CTNND1: variants seen among roughly 807,000 people sequenced by gnomAD.
CTNND1 encodes the protein catenin delta-1.
In CTNND1, 16 loss-of-function variants were observed where a neutral mutation model predicts 112.1. The observed-to-expected ratio is 0.14, with a 90% CI of 0.10 to 0.22. The LOEUF is 0.22. Among genes scored for constraint, CTNND1 ranks in the 10% least tolerant of loss-of-function variants. The pLI is 1.00. For missense variants in CTNND1, 1,008 were observed against 1,257.0 expected, an observed-to-expected ratio of 0.80 and a Z score of 3.00; for synonymous variants, 420 against 446.5, an observed-to-expected ratio of 0.94 and a Z score of 0.75.
At chr11:57,779,353 C>T (rs2059335598) in intron 1 of CTNND1, among the ~76,000 whole-genome samples, 1 of 152,202 alleles carries the variant, frequency 6.6e-6, no homozygotes, top group Admixed American at 6.5e-5. Context: ...TGAAATAGCA[C>T]CTGTAATACC....
chr11:57,802,482 C>A (rs641321), intron 7 of CTNND1, among the ~76,000 whole-genome samples: 1,954 of 152,332 alleles, frequency 0.013, 25 homozygotes, highest in Middle Eastern at 0.034. Context: ...TCTTCCTTAG[C>A]AGTATTTGGT....
At position 57,786,227 on chromosome 11, in the gene CTNND1, C is replaced by T. The variant is rs1165945255; in HGVS notation, c.-213-2810C>T. ...TTTTTTTGGTGAGAGGAAATGTAGT[C>T]TATTTAAAAATCTAAGTAAGTGGAG... On this transcript the variant is annotated intron_variant, in intron 1 of 20. Coordinates refer to ENST00000399050, the MANE Select transcript of CTNND1 (RefSeq NM_001085458.2). Among the ~76,000 whole-genome samples the T allele has an allele frequency of 5.0e-5, 7 of 139,278 alleles. No homozygotes were observed. In the South Asian group the frequency reaches 1.6e-3, roughly 31 times the overall value. 91.4% of individuals were successfully genotyped at this position (139,278 alleles called of 152,430 possible). A position where few individuals can be genotyped will look rare whatever the true frequency, so the allele number is the denominator to read the frequency against.
chr11:57,816,229 C>T, intron 20 of CTNND1, 68 bp from the exon 21 acceptor site: 1 of 1,597,146 alleles, frequency 6.3e-7, no homozygotes, highest in Non-Finnish European at 8.6e-7. Context: ...ATTTGCTCAA[C>T]TTTTTTGGGG....
rs971106294 is a variant in CTNND1, at chr11:57,769,355, A to G, written c.-214+7236A>G. Among the ~76,000 whole-genome samples the G allele has an allele frequency of 2.0e-5, 3 of 151,332 alleles. 1 individual carries two copies. In the Middle Eastern group the frequency reaches 0.01, roughly 515 times the overall value. On this transcript the variant is annotated intron_variant, in intron 1 of 20. Coordinates refer to ENST00000399050, the MANE Select transcript of CTNND1 (RefSeq NM_001085458.2). ...AAAAACAGAGAGACAGAGTCTTGGT[A>G]TGTTGCCCTGTCTCCAACTCCTGGG...
At chr11:57,775,677 G>C (rs1954043888) in intron 1 of CTNND1, among the ~76,000 whole-genome samples, 1 of 151,652 alleles carries the variant, frequency 6.6e-6, no homozygotes, top group Non-Finnish European at 1.5e-5. Context: ...CTTCCTGTCT[G>C]AAAAGGAAGC....
chr11:57,803,760 C>T lies in CTNND1; in HGVS notation c.1560C>T (p.His520=), dbSNP rs11229137. 1,611,870 of 1,612,676 alleles carry T rather than the reference C, an allele frequency of 1. 805,538 individuals carry two copies. The highest frequency in any genetic ancestry group is 1 in the East Asian group (44,816 of 44,816). ...CTAATGAAGACTGTAAGCCACGCCA[C>T]ATTGAGTGGGAATCGGTGCTCACCA... is the stretch of plus-strand genomic sequence containing the variant. ...REPNEDCKPR[H]IEWESVLTNT... The change falls in exon 8 of 21, where the codon CAC becomes CAT. Residue 520 remains histidine, a synonymous_variant. Coordinates refer to ENST00000399050, the MANE Select transcript of CTNND1 (RefSeq NM_001085458.2).
In CTNND1 at chr11:57,806,992, T is replaced by C. The variant is rs371603494; in HGVS notation, c.1963+9T>C. 1.3e-5 allele frequency: 20 copies of C among 1,584,754 alleles called. No individual in the cohort carries two copies. The highest frequency in any genetic ancestry group is 2.7e-5 in the African/African-American group (2 of 74,450). On this transcript the variant is annotated intron_variant, in intron 12 of 20. Coordinates refer to ENST00000399050, the MANE Select transcript of CTNND1 (RefSeq NM_001085458.2). ...AACGAGTCCAGCTCGAGGTAAGTTA[T>C]CTTCTCAGTCTCCAAAGGTCTCATA...
intron 1 of CTNND1, among the ~76,000 whole-genome samples, chr11:57,783,837 A>G (rs1185151210): frequency 6.6e-6 from 1 of 152,194 alleles, no homozygotes; most frequent in Admixed American, 6.5e-5. Flanking sequence ...CTTGAATGTT[A>G]TGTAATACAG....
chr11:57,796,543 A>G lies in CTNND1; in HGVS notation c.507A>G (p.Ser169=). The change falls in exon 6 of 21, where the codon TCA becomes TCG. Residue 169 remains serine, a synonymous_variant. Coordinates refer to ENST00000399050, the MANE Select transcript of CTNND1 (RefSeq NM_001085458.2). ...GPDGLPVDAS[S]VSNNYIQTLG... is the part of the protein sequence containing the mutation. ...ACGGGTTGCCTGTGGATGCTTCATC[A>G]GTTTCTAACAACTATATCCAGACTT... is the stretch of plus-strand genomic sequence containing the variant. 1.9e-6 allele frequency: 3 copies of G among 1,614,018 alleles called. No individual in the cohort carries two copies. The highest frequency in any genetic ancestry group is 1.1e-5 in the South Asian group (1 of 91,088).
chr11:57,798,565 G>T (rs1271292932), intron 6 of CTNND1, among the ~76,000 whole-genome samples: 1 of 152,066 alleles, frequency 6.6e-6, no homozygotes, highest in African/African-American at 2.4e-5. Flanking sequence ...GCATCCTTGG[G>T]TGGGGGTCGG....
intron 12 of CTNND1, among the ~76,000 whole-genome samples, chr11:57,807,864 C>T (rs537634311): frequency 1.3e-5 from 2 of 152,002 alleles, no homozygotes; most frequent in South Asian, 4.2e-4. Context: ...AAATGGAGCC[C>T]CTGAGCGCTC....
At chr11:57,777,643 C>T (rs916401275) in intron 1 of CTNND1, among the ~76,000 whole-genome samples, 12 of 152,124 alleles carry the variant, frequency 7.9e-5, no homozygotes, top group South Asian at 4.1e-4. Context: ...GACCAGGGTT[C>T]GGCCCATACT....
chr11:57,776,033 G>A (rs933673743), intron 1 of CTNND1, among the ~76,000 whole-genome samples: 2 of 152,194 alleles, frequency 1.3e-5, no homozygotes, highest in Admixed American at 1.3e-4. Context: ...GACACGGAGC[G>A]GGGTAAGTTG....
chr11:57,781,111 G>A (rs1054493177), intron 1 of CTNND1, among the ~76,000 whole-genome samples: 5 of 152,100 alleles, frequency 3.3e-5, no homozygotes, highest in African/African-American at 1.2e-4. Flanking sequence ...GCTAATTTTT[G>A]TATTTTCAGC....
chr11:57,810,008 G>A (rs1370092153), intron 15 of CTNND1, 101 bp from the exon 16 acceptor site: 3 of 783,786 alleles, frequency 3.8e-6, no homozygotes, highest in Non-Finnish European at 5.7e-6. Flanking sequence ...ACTGTGCCCT[G>A]CCCCTGGCAT....
Position 57,762,731 on chromosome 11 carries a change from A to G in CTNND1, c.-214+612A>G, listed in dbSNP as rs1299140722. Among the ~76,000 whole-genome samples, 6 of 152,280 alleles carry G rather than the reference A, an allele frequency of 3.9e-5. No homozygotes were observed. The East Asian group carries it at 1.2e-3, about 29-fold the overall frequency. On this transcript the variant is annotated intron_variant, in intron 1 of 20. Coordinates refer to ENST00000399050, the MANE Select transcript of CTNND1 (RefSeq NM_001085458.2). Reference sequence around the variant, plus strand: ...GTCTCCCTTCTTTGGCTTATAAAAGAAAACAAATGGAACCATGTTAACTGA... The same window carrying G: ...GTCTCCCTTCTTTGGCTTATAAAAGGAAACAAATGGAACCATGTTAACTGA...
chr11:57,769,451 T>C (rs560097049), intron 1 of CTNND1, among the ~76,000 whole-genome samples: 3 of 152,276 alleles, frequency 2.0e-5, no homozygotes, highest in African/African-American at 7.2e-5. Context: ...TGCCTGGCTA[T>C]TTAAGCTAAT....
intron 9 of CTNND1, among the ~76,000 whole-genome samples, chr11:57,805,314 C>T (rs1045116042): frequency 2.0e-5 from 3 of 152,210 alleles, no homozygotes; most frequent in Non-Finnish European, 4.4e-5. Context: ...CCCGTGATCT[C>T]GGCTCATTGC....
In CTNND1 at chr11:57,795,617, A is replaced by G. The variant is rs759450868; in HGVS notation, c.308A>G (p.Gln103Arg). 9 of 1,608,382 alleles carry G rather than the reference A, an allele frequency of 5.6e-6. No individual in the cohort carries two copies. In the Admixed American group the frequency reaches 1.5e-4, roughly 27 times the overall value. Residue 103 changes from glutamine (Q) to arginine (R), a missense_variant, in exon 5 of 21, where the codon CAG becomes CGG. Transcript: ENST00000399050. ...CTATATAGCACCATCCCCAGGATGC[A>G]GGAGCCGGGGCAGATTGTGGAGACC... The part of the protein sequence containing the change: ...HLLYSTIPRM[Q>R]EPGQIVETYT...
Sources: gnomAD v4.1 joint callset for allele counts (sites outside exome capture counted in the v4.1 genomes callset) on GRCh38, gnomAD v4.1.1 for gene constraint, MANE v1.5 for transcripts, NCBI Gene and HGNC (gene_info 2026-07-23, HGNC 2026-07-21) for gene names.